CNTLN: variants seen among roughly 807,000 people sequenced by gnomAD.
CNTLN encodes the protein centlein, centrosomal protein.
CNTLN carries 212 observed loss-of-function variants against 180.0 expected under a neutral mutation model. The ratio of observed to expected loss-of-function variants is 1.18; its 90% CI spans 1.05 to 1.32. The LOEUF (loss-of-function observed/expected upper bound fraction) is 1.32, where lower values mean the gene tolerates loss of function less well. Among genes scored for constraint, CNTLN ranks in the 40% most tolerant of loss-of-function variants. The pLI is 0.00. For synonymous variants in CNTLN, 722 were observed against 563.1 expected (o/e 1.28, Z -3.99); for missense variants, 2,095 against 1,610.9 (o/e 1.30, Z -5.14).
chr9:17,298,661 T>C, intron 7 of CNTLN: 2 of 1,026,010 alleles, frequency 1.9e-6, no homozygotes, highest in Non-Finnish European at 2.3e-6. Flanking sequence ...AAAACTGGAA[T>C]GGAATTCCTC....
chr9:17,177,772 T>C (rs1820818943), intron 2 of CNTLN, among the ~76,000 whole-genome samples: 1 of 152,158 alleles, frequency 6.6e-6, no homozygotes, highest in Admixed American at 6.5e-5. Context: ...ATAAAGGCAG[T>C]GTGGACCCAA....
At chr9:17,146,157 C>G (rs1018475460) in intron 2 of CNTLN, among the ~76,000 whole-genome samples, 4 of 152,096 alleles carry the variant, frequency 2.6e-5, no homozygotes, top group African/African-American at 7.2e-5. Context: ...TTTGGTGGGC[C>G]TTTCCATTTC....
Position 17,502,790 on chromosome 9 carries a change from A to C in CNTLN, c.*138A>C. ...CAATACCAAAATAAGAAGTCTCTGA[A>C]AATAATTAATTGCTGAACAAGTGAA... On this transcript the variant is annotated 3_prime_UTR_variant, in exon 26 of 26. Transcript: ENST00000380647. 2.4e-6 allele frequency: 1 copy of C among 408,814 alleles called. No individual in the cohort carries two copies. Among genetic ancestry groups the C allele is most frequent in the Non-Finnish European group, 4.5e-6 (1 of 223,852 alleles). The allele number at this position is 408,814 out of a possible 1,614,324, so 25.3% of individuals were successfully genotyped here. A position where few individuals can be genotyped will look rare whatever the true frequency, so the allele number is the denominator to read the frequency against.
chr9:17,141,832 C>A (rs1818119972), intron 1 of CNTLN, among the ~76,000 whole-genome samples: 1 of 151,886 alleles, frequency 6.6e-6, no homozygotes, highest in Non-Finnish European at 1.5e-5. Context: ...GCCTGTAATC[C>A]CAGCACTTTG....
At chr9:17,356,301 ACTAAG>A (rs911146988) in intron 12 of CNTLN, among the ~76,000 whole-genome samples, 37 of 152,206 alleles carry the variant, frequency 2.4e-4, no homozygotes, top group African/African-American at 8.7e-4. Flanking sequence ...AAACTCATAC[ACTAAG>A]ATTGTAGCTC....
intron 15 of CNTLN, among the ~76,000 whole-genome samples, chr9:17,396,193 A>C (rs1826507856): frequency 6.6e-6 from 1 of 152,248 alleles, no homozygotes; most frequent in South Asian, 2.1e-4. Flanking sequence ...AAAAATGGGC[A>C]ACCAGCACCC....
intron 12 of CNTLN, among the ~76,000 whole-genome samples, chr9:17,360,541 A>G (rs1476852351): frequency 4.6e-5 from 7 of 152,116 alleles, no homozygotes; most frequent in Non-Finnish European, 8.8e-5. Flanking sequence ...CTTGATTTAT[A>G]TATTGTGGTG....
At chr9:17,305,645 T>C (rs1435570240) in intron 7 of CNTLN, among the ~76,000 whole-genome samples, 1 of 152,090 alleles carries the variant, frequency 6.6e-6, no homozygotes, top group African/African-American at 2.4e-5. Flanking sequence ...AAACATTTGA[T>C]TACCCTGAGG....
chr9:17,255,018 T>G (rs940378960), intron 5 of CNTLN, among the ~76,000 whole-genome samples: 2 of 151,826 alleles, frequency 1.3e-5, no homozygotes, highest in African/African-American at 4.8e-5. Context: ...CTAGATTTAT[T>G]TCTAGTATTT....
chr9:17,320,672 T>C (rs1010778167), intron 8 of CNTLN, among the ~76,000 whole-genome samples: 10 of 152,084 alleles, frequency 6.6e-5, no homozygotes, highest in Admixed American at 1.3e-4. Context: ...CTGGCTAGTT[T>C]TTGTATTTTT....
intron 18 of CNTLN, among the ~76,000 whole-genome samples, chr9:17,439,174 C>G (rs1178086339): frequency 6.6e-6 from 1 of 151,806 alleles, no homozygotes; most frequent in Admixed American, 6.6e-5. Flanking sequence ...AACTTAGGCT[C>G]AAAATAAATA....
intron 8 of CNTLN, among the ~76,000 whole-genome samples, chr9:17,312,386 T>TATATATATATATA (rs1164263351): frequency 8.1e-6 from 1 of 123,326 alleles, no homozygotes; most frequent in African/African-American, 3.0e-5. Flanking sequence ...ATATATATAA[T>TATATATATATATA]TTATTTATTT....
intron 5 of CNTLN, among the ~76,000 whole-genome samples, chr9:17,255,771 G>C (rs892362222): frequency 1.3e-5 from 2 of 151,768 alleles, no homozygotes; most frequent in Non-Finnish European, 2.9e-5. Context: ...GAATTATCCA[G>C]TGAAACCATC....
chr9:17,251,054 C>T (rs899101261), intron 5 of CNTLN, among the ~76,000 whole-genome samples: 10 of 151,756 alleles, frequency 6.6e-5, no homozygotes, highest in Admixed American at 1.3e-4. Context: ...TTCCTTATTA[C>T]GTTAAATATG....
intron 6 of CNTLN, among the ~76,000 whole-genome samples, chr9:17,297,093 T>C (rs112575090): frequency 0.036 from 5,454 of 152,332 alleles, 143 homozygotes; most frequent in Non-Finnish European, 0.059. Context: ...CAATCATGAA[T>C]TGAAAATATC....
chr9:17,468,714 A>G (rs1242151780), intron 23 of CNTLN, among the ~76,000 whole-genome samples: 3 of 151,836 alleles, frequency 2.0e-5, no homozygotes, highest in Middle Eastern at 3.4e-3. Context: ...CATGACTTCC[A>G]TGATAAGGTA....
At chr9:17,326,849 A>C (rs1820327101) in intron 8 of CNTLN, among the ~76,000 whole-genome samples, 1 of 152,196 alleles carries the variant, frequency 6.6e-6, no homozygotes, top group Admixed American at 6.5e-5. Flanking sequence ...AGGTCATGAA[A>C]GACAAGGAAG....
intron 8 of CNTLN, among the ~76,000 whole-genome samples, chr9:17,319,394 T>C (rs964416219): frequency 1.3e-5 from 2 of 152,196 alleles, no homozygotes; most frequent in African/African-American, 4.8e-5. Context: ...TAATGATTAA[T>C]AGGAGACTAA....
At chr9:17,198,602 A>AT (rs79833773) in intron 2 of CNTLN, among the ~76,000 whole-genome samples, 1,595 of 133,428 alleles carry the variant, frequency 0.012, 28 homozygotes, top group African/African-American at 0.041. Context: ...TTGTATGTTA[A>AT]TTTTTTTTTT....
Sources: gnomAD v4.1 joint callset for allele counts (sites outside exome capture counted in the v4.1 genomes callset) on GRCh38, gnomAD v4.1.1 for gene constraint, MANE v1.5 for transcripts, NCBI Gene and HGNC (gene_info 2026-07-23, HGNC 2026-07-21) for gene names.